Variants in GPHN observed in about 807,000 individuals in gnomAD.
GPHN encodes the protein gephyrin.
A neutral mutation model predicts 95.5 loss-of-function variants in GPHN; 17 were observed. The ratio of observed to expected loss-of-function variants is 0.18; its 90% CI spans 0.12 to 0.27. The LOEUF is 0.27. Ranked by LOEUF, GPHN falls within the 10% of genes least tolerant of loss-of-function variation. The pLI is 1.00. For missense variants in GPHN, 660 were observed against 978.1 expected (o/e 0.67, Z 4.34); for synonymous variants, 320 against 322.5 (o/e 0.99, Z 0.08).
chr14:67,306,965 A>G, the GPHN span, among the ~76,000 whole-genome samples: 1 of 152,236 alleles, frequency 6.6e-6, no homozygotes, highest in South Asian at 2.1e-4. Flanking sequence ...GATGTTAGAA[A>G]TGTGTTTAAG....
chr14:66,945,250 A>G (rs1011982384), intron 8 of GPHN, among the ~76,000 whole-genome samples: 2 of 152,218 alleles, frequency 1.3e-5, no homozygotes, highest in African/African-American at 2.4e-5. Context: ...CCCGCCTCAC[A>G]GATTGAATTG....
At chr14:67,722,615 AG>A in the GPHN span, 1 of 1,604,990 alleles carries the variant, frequency 6.2e-7, no homozygotes, top group Non-Finnish European at 8.5e-7. Context: ...CAGCAGCAAA[AG>A]CAACAGCAGC....
At chr14:66,731,825 G>C (rs897382676) in intron 2 of GPHN, among the ~76,000 whole-genome samples, 1 of 152,186 alleles carries the variant, frequency 6.6e-6, no homozygotes, top group Non-Finnish European at 1.5e-5. Flanking sequence ...GGTTTCGTGG[G>C]CTGGGCCCTG....
At chr14:66,987,848 T>G (rs1700042662) in intron 9 of GPHN, among the ~76,000 whole-genome samples, 1 of 152,096 alleles carries the variant, frequency 6.6e-6, no homozygotes, top group Non-Finnish European at 1.5e-5. Context: ...AAATGTATAA[T>G]GCTATGATCT....
chr14:67,653,643 G>T, the GPHN span: 8 of 660,666 alleles, frequency 1.2e-5, no homozygotes, highest in African/African-American at 1.3e-4. Flanking sequence ...GCCTTTGAGT[G>T]TAAGTAGAAG....
chr14:66,645,090 G>T (rs181128212), intron 1 of GPHN, among the ~76,000 whole-genome samples: 1 of 152,118 alleles, frequency 6.6e-6, no homozygotes, highest in East Asian at 1.9e-4. Context: ...TAGTATATTT[G>T]TATGTAATGA....
the GPHN span, among the ~76,000 whole-genome samples, chr14:67,193,951 A>AAACAAAAAAAAAAC: frequency 1.4e-5 from 2 of 139,714 alleles, no homozygotes; most frequent in African/African-American, 5.7e-5. Context: ...TCTCAAAAAA[A>AAACAAAAAAAAAAC]AACAAAAAAA....
chr14:66,979,342 G>A (rs2070493948), intron 9 of GPHN, among the ~76,000 whole-genome samples: 1 of 152,204 alleles, frequency 6.6e-6, no homozygotes, highest in African/African-American at 2.4e-5. Context: ...CTGTTGTTTA[G>A]TATAGCTGCC....
At chr14:67,429,480 C>T in the GPHN span, among the ~76,000 whole-genome samples, 1 of 150,646 alleles carries the variant, frequency 6.6e-6, no homozygotes, top group Admixed American at 6.6e-5. Context: ...TCGCCCACCT[C>T]GGCCTCCTAA....
the GPHN span, chr14:67,541,899 G>A: frequency 1.2e-6 from 2 of 1,603,526 alleles, no homozygotes; most frequent in East Asian, 4.5e-5. Flanking sequence ...GCGCCGGCCA[G>A]CGTAGACTGG....
At chr14:67,692,431 C>T in the GPHN span, 3 of 1,614,124 alleles carry the variant, frequency 1.9e-6, no homozygotes, top group Non-Finnish European at 2.5e-6. Context: ...TCTAGTTCTA[C>T]ACTTACCAGC....
intron 1 of GPHN, among the ~76,000 whole-genome samples, chr14:66,669,620 G>A (rs557154008): frequency 6.0e-5 from 9 of 150,726 alleles, no homozygotes; most frequent in South Asian, 2.1e-4. Context: ...TTTCCAAACC[G>A]TTTTCTTCTT....
chr14:66,527,761 A>G (rs2139895229), intron 1 of GPHN, among the ~76,000 whole-genome samples: 1 of 152,260 alleles, frequency 6.6e-6, no homozygotes, highest in South Asian at 2.1e-4. Context: ...TTCAGTTTCC[A>G]TGTAGTTGTG....
the GPHN span, among the ~76,000 whole-genome samples, chr14:67,191,556 T>C: frequency 6.6e-6 from 1 of 152,138 alleles, no homozygotes; most frequent in African/African-American, 2.4e-5. Flanking sequence ...TTTCCAAAAA[T>C]TTCCAGATGA....
rs894988029 is a variant in GPHN, at chr14:66,960,458, A to G, written c.829-4733A>G. ...CAGCAGTAGTAGTTATTTGTTTGTT[A>G]TTCATTTTTTGAAATACTTTTTTCA... On this transcript the variant is annotated intron_variant, in intron 8 of 22. Transcript: ENST00000478722. Among the ~76,000 whole-genome samples, 5 of 151,670 alleles carry G rather than the reference A, an allele frequency of 3.3e-5. No homozygotes were observed. The South Asian group carries it at 1.0e-3, about 32-fold the overall frequency.
chr14:66,897,068 T>C (rs1419862339), intron 5 of GPHN, among the ~76,000 whole-genome samples: 1 of 152,162 alleles, frequency 6.6e-6, no homozygotes. Flanking sequence ...TTTAAGATGG[T>C]AATATAATTG....
chr14:67,493,391 C>A, the GPHN span, among the ~76,000 whole-genome samples: 1 of 152,130 alleles, frequency 6.6e-6, no homozygotes, highest in African/African-American at 2.4e-5. Context: ...TTAGATTGTG[C>A]GGTCCAACCC....
At chr14:66,836,819 T>C (rs974131450) in intron 4 of GPHN, among the ~76,000 whole-genome samples, 1 of 152,044 alleles carries the variant, frequency 6.6e-6, no homozygotes, top group South Asian at 2.1e-4. Flanking sequence ...AAGACATTTA[T>C]GCAGCCAGAA....
At chr14:66,916,366 T>C (rs2065899652) in intron 6 of GPHN, among the ~76,000 whole-genome samples, 1 of 152,134 alleles carries the variant, frequency 6.6e-6, no homozygotes, top group Middle Eastern at 3.2e-3. Flanking sequence ...AGAGCTTCCC[T>C]TGTCCTCTCC....
Sources: gnomAD v4.1 joint callset for allele counts (sites outside exome capture counted in the v4.1 genomes callset) on GRCh38, gnomAD v4.1.1 for gene constraint, MANE v1.5 for transcripts, NCBI Gene and HGNC (gene_info 2026-07-23, HGNC 2026-07-21) for gene names.